Variants in DSCAM observed in about 807,000 individuals in gnomAD.
The protein encoded by DSCAM is cell adhesion molecule DSCAM.
Under a neutral mutation model 217.7 loss-of-function variants are expected in DSCAM, and 47 were observed. The ratio of observed to expected loss-of-function variants is 0.22; its 90% CI spans 0.17 to 0.28. The LOEUF (loss-of-function observed/expected upper bound fraction) is 0.28. DSCAM is among the 10% of genes least tolerant of loss of function. The probability of loss-of-function intolerance (pLI) is 1.00; values close to 1 mark genes in which losing one functional copy is unlikely to be tolerated. For synonymous variants in DSCAM, 1,056 were observed against 1,015.3 expected, an observed-to-expected ratio of 1.04 and a Z score of -0.76; for missense variants, 2,080 against 2,618.3, an observed-to-expected ratio of 0.79 and a Z score of 4.49.
intron 3 of DSCAM, among the ~76,000 whole-genome samples, chr21:40,669,618 C>T (rs1439611475): frequency 1.3e-5 from 2 of 148,226 alleles, no homozygotes; most frequent in African/African-American, 2.5e-5. Context: ...GACAGAGTCT[C>T]GCTCTGTCAG....
intron 3 of DSCAM, among the ~76,000 whole-genome samples, chr21:40,535,004 C>G (rs892612468): frequency 1.3e-5 from 2 of 152,216 alleles, no homozygotes; most frequent in African/African-American, 4.8e-5. Flanking sequence ...CTGGGTCTGA[C>G]TTGGTTCCCC....
chr21:40,729,161 T>A (rs2090987095), intron 1 of DSCAM, among the ~76,000 whole-genome samples: 1 of 152,218 alleles, frequency 6.6e-6, no homozygotes. Context: ...CAAAACCTTA[T>A]TTTAATCCTC....
chr21:40,187,944 T>TGGCA lies in DSCAM; in HGVS notation c.2593_2596dup (p.His866LeufsTer5). On this transcript the variant is annotated frameshift_variant, in exon 13 of 33. Coordinates refer to ENST00000400454, the MANE Select transcript of DSCAM (RefSeq NM_001389.5). LOFTEE classifies it high-confidence loss of function. Reference sequence around the variant, plus strand: ...GTCCTCCCCATAAGAATTAATAGCATGGCAGGAAAAGAAACCAGAATCTTC... The same window carrying TGGCA: ...GTCCTCCCCATAAGAATTAATAGCATGGCAGGCAGGAAAAGAAACCAGAATCTTC... 6.2e-7 allele frequency: 1 copy of TGGCA among 1,614,096 alleles called. No individual in the cohort carries two copies. The highest frequency in any genetic ancestry group is 8.5e-7 in the Non-Finnish European group (1 of 1,179,992).
chr21:40,011,043 T>C lies in DSCAM; in HGVS notation c.*1991A>G, dbSNP rs997180349. On this transcript the variant is annotated 3_prime_UTR_variant, in exon 33 of 33. Coordinates refer to ENST00000400454, the MANE Select transcript of DSCAM (RefSeq NM_001389.5). ...TTTTGTACAGGTTGAGAGAAAAATG[T>C]TAAAAAGGTAAACTTCTATGTTTGG... 3 of 152,268 alleles carry C rather than the reference T, an allele frequency of 2.0e-5. No individual in the cohort carries two copies. The highest frequency in any genetic ancestry group is 7.2e-5 in the African/African-American group (3 of 41,548). The allele number at this position is 152,268 out of a possible 1,614,324, so 9.4% of individuals were successfully genotyped here.
At chr21:40,108,331 A>T (rs1463570202) in intron 20 of DSCAM, among the ~76,000 whole-genome samples, 1 of 152,210 alleles carries the variant, frequency 6.6e-6, no homozygotes, top group Non-Finnish European at 1.5e-5. Flanking sequence ...ATAGTGCGAA[A>T]ATCACTAGCA....
intron 3 of DSCAM, among the ~76,000 whole-genome samples, chr21:40,450,428 G>A (rs1321972222): frequency 6.6e-6 from 1 of 152,092 alleles, no homozygotes; most frequent in African/African-American, 2.4e-5. Context: ...ACAACTACAT[G>A]AAACTCAGCA....
In DSCAM at chr21:40,239,689, A is replaced by G. The variant is rs1346977102; in HGVS notation, c.2356+36408T>C. Among the ~76,000 whole-genome samples the G allele has an allele frequency of 2.6e-5, 4 of 152,204 alleles. No homozygotes were observed. The East Asian group carries it at 7.7e-4, about 29-fold the overall frequency. ...GATTTAGAAGGACAGATGAGGCTCA[A>G]TATGGCTTCTTCCCTCAGAAGTGGC... On this transcript the variant is annotated intron_variant, in intron 11 of 32. Coordinates refer to ENST00000400454, the MANE Select transcript of DSCAM (RefSeq NM_001389.5).
chr21:40,640,514 A>G (rs1487261058), intron 3 of DSCAM, among the ~76,000 whole-genome samples: 1 of 152,184 alleles, frequency 6.6e-6, no homozygotes, highest in Non-Finnish European at 1.5e-5. Flanking sequence ...ATTTTAACTA[A>G]AAATGTTCCA....
intron 11 of DSCAM, among the ~76,000 whole-genome samples, chr21:40,224,458 T>A (rs888167873): frequency 6.6e-5 from 10 of 152,234 alleles, no homozygotes; most frequent in African/African-American, 2.4e-4. Context: ...AGGAATATGC[T>A]TATCTTTCAC....
chr21:40,029,362 C>CCGGAT, intron 32 of DSCAM, among the ~76,000 whole-genome samples: 2 of 146,180 alleles, frequency 1.4e-5, no homozygotes, highest in South Asian at 4.4e-4. Flanking sequence ...GTGCTCATGC[C>CCGGAT]CTCTGGGCCC....
Position 40,124,118 on chromosome 21 carries a change from C to T in DSCAM, c.3696+77G>A, listed in dbSNP as rs867879608. 3.2e-5 allele frequency: 50 copies of T among 1,584,666 alleles called. 1 individual carries two copies. The highest frequency in any genetic ancestry group is 1.7e-4 in the Middle Eastern group (1 of 5,928). ...CCCAGGTAGGTGGGAAACAAAGGAA[C>T]GAAACTGTCCAGTGCGAGCACCTGC... is the stretch of plus-strand genomic sequence containing the variant. On this transcript the variant is annotated intron_variant, in intron 20 of 32. Transcript: ENST00000400454.
chr21:40,571,229 C>T (rs747940562), intron 3 of DSCAM, among the ~76,000 whole-genome samples: 1 of 151,776 alleles, frequency 6.6e-6, no homozygotes, highest in Non-Finnish European at 1.5e-5. Flanking sequence ...AAACTGTCAA[C>T]ATAGAATTCT....
At position 40,755,699 on chromosome 21, in the gene DSCAM, T is replaced by C. The variant is rs147823040; in HGVS notation, c.44-46928A>G. Among the ~76,000 whole-genome samples the C allele has an allele frequency of 1.1e-3, 162 of 152,218 alleles. 1 individual carries two copies. Among genetic ancestry groups the C allele is most frequent in the Non-Finnish European group, 2.1e-3 (141 of 68,012 alleles). On this transcript the variant is annotated intron_variant, in intron 1 of 32. Coordinates refer to ENST00000400454, the MANE Select transcript of DSCAM (RefSeq NM_001389.5). ...CTGGCCCCCCAAGGTATAGGCGAGT[T>C]GTGTAGGGGATTCCAAAGTTTACTG...
chr21:40,386,528 C>T (rs2075087436), intron 3 of DSCAM, among the ~76,000 whole-genome samples: 1 of 152,152 alleles, frequency 6.6e-6, no homozygotes, highest in Non-Finnish European at 1.5e-5. Context: ...CGCAGCGTGG[C>T]ACAGAGAGCT....
At chr21:40,369,382 C>CTGAGTGTGTG in intron 3 of DSCAM, 137 bp from the exon 4 acceptor site, 3 of 508,728 alleles carry the variant, frequency 5.9e-6, no homozygotes, top group East Asian at 4.0e-5. Flanking sequence ...GTGCGTGCGT[C>CTGAGTGTGTG]TGCGTGTGTG....
chr21:40,494,363 A>C (rs2076100623), intron 3 of DSCAM, among the ~76,000 whole-genome samples: 1 of 152,194 alleles, frequency 6.6e-6, no homozygotes, highest in South Asian at 2.1e-4. Flanking sequence ...AGTCTTAACA[A>C]ATCTAGGGAG....
chr21:40,513,795 G>T (rs2076278699), intron 3 of DSCAM, among the ~76,000 whole-genome samples: 1 of 151,712 alleles, frequency 6.6e-6, no homozygotes, highest in Admixed American at 6.6e-5. Flanking sequence ...TTGAATGAAT[G>T]GACAGAATAA....
intron 8 of DSCAM, among the ~76,000 whole-genome samples, chr21:40,317,826 C>T (rs973739152): frequency 1.3e-5 from 2 of 152,096 alleles, no homozygotes; most frequent in African/African-American, 4.8e-5. Flanking sequence ...AGCCACCGAG[C>T]CTGGATGTCT....
chr21:40,795,319 G>A (rs1213590844), intron 1 of DSCAM, among the ~76,000 whole-genome samples: 1 of 151,868 alleles, frequency 6.6e-6, no homozygotes, highest in South Asian at 2.1e-4. Context: ...GTGCCCAATG[G>A]CAGAGGCTCC....
Sources: allele counts gnomAD v4.1 joint callset (sites outside exome capture counted in the v4.1 genomes callset), GRCh38; gene constraint gnomAD v4.1.1; transcripts MANE v1.5; gene names NCBI Gene and HGNC (gene_info 2026-07-23, HGNC 2026-07-21).